The following OPHN1 variants were observed in gnomAD, a reference collection of about 807,000 sequenced individuals.
The protein encoded by OPHN1 is oligophrenin-1.
In OPHN1, 11 loss-of-function variants were observed where a neutral mutation model predicts 60.7. That is an observed-to-expected ratio of 0.18 (90% CI 0.11 to 0.30). The LOEUF (loss-of-function observed/expected upper bound fraction) is 0.30. OPHN1 is among the 10% of genes least tolerant of loss of function. The pLI, the probability that OPHN1 is intolerant of heterozygous loss-of-function variation, is 1.00. For synonymous variants in OPHN1, 226 were observed against 222.6 expected (o/e 1.02, Z -0.14); for missense variants, 449 against 611.0 (o/e 0.73, Z 2.80).
In OPHN1 at chrX:68,097,331, G is replaced by A. The variant is rs7888056; in HGVS notation, c.1527-302C>T. Among the ~76,000 whole-genome samples the A allele has an allele frequency of 6.2e-3, 690 of 111,282 alleles. 9 individuals carry two copies. Among genetic ancestry groups the A allele is most frequent in the African/African-American group, 0.022 (666 of 30,623 alleles). Reference sequence around the variant, plus strand: ...AGTGGGATACTATTTGGAGAGGCAGGAGGGAAGCAAGAGGACATTCAAAGC... The same window carrying A: ...AGTGGGATACTATTTGGAGAGGCAGAAGGGAAGCAAGAGGACATTCAAAGC... On this transcript the variant is annotated intron_variant, in intron 18 of 24. Coordinates refer to ENST00000355520, the MANE Select transcript of OPHN1 (RefSeq NM_002547.3).
chrX:68,406,184 C>T (rs2078742382), intron 2 of OPHN1, among the ~76,000 whole-genome samples: 1 of 109,588 alleles, frequency 9.1e-6, no homozygotes, highest in Non-Finnish European at 1.9e-5. Context: ...TAACTACATG[C>T]AACTCATAAT....
At chrX:68,219,825 G>A (rs1417585748) in intron 6 of OPHN1, among the ~76,000 whole-genome samples, 1 of 102,913 alleles carries the variant, frequency 9.7e-6, no homozygotes, top group African/African-American at 3.5e-5. Flanking sequence ...ACAAGAGAAA[G>A]CAGGAAAGAT....
chrX:68,145,273 T>C (rs7887862), intron 15 of OPHN1, among the ~76,000 whole-genome samples: 25,709 of 111,031 alleles, frequency 0.23, 3,313 homozygotes, highest in African/African-American at 0.46. Flanking sequence ...GCTTACATCT[T>C]GGTTATCATT....
At chrX:68,404,285 G>A (rs745340685) in intron 2 of OPHN1, among the ~76,000 whole-genome samples, 3 of 108,720 alleles carry the variant, frequency 2.8e-5, no homozygotes, top group East Asian at 2.9e-4. Flanking sequence ...TCAGCCTCCC[G>A]AGTAGATGGG....
Position 68,317,530 on chromosome X carries a change from AG to A in OPHN1, c.155-18435del, listed in dbSNP as rs2078211392. 2.1e-4 allele frequency among the ~76,000 whole-genome samples: 13 copies of A among 62,574 alleles called. 1 individual carries two copies. The highest frequency in any genetic ancestry group is 1.3e-3 in the African/African-American group (11 of 8,517). The allele number at this position is 62,574 out of a possible 115,157, so 54.3% of individuals were successfully genotyped here. ...GGGAAAGAGAGAGAGAAAGAAAGAA[AG>A]AAAGAAAAAAAGAAAGAAAGAAAGA... is the stretch of plus-strand genomic sequence containing the variant. On this transcript the variant is annotated intron_variant, in intron 2 of 24. Transcript: ENST00000355520.
chrX:68,372,219 AG>A lies in OPHN1; in HGVS notation c.154+60647del, dbSNP rs1425139102. Among the ~76,000 whole-genome samples, 3 of 112,245 alleles carry A rather than the reference AG, an allele frequency of 2.7e-5. No homozygotes were observed. In the South Asian group the frequency reaches 1.1e-3, roughly 41 times the overall value. On this transcript the variant is annotated intron_variant, in intron 2 of 24. Coordinates refer to ENST00000355520, the MANE Select transcript of OPHN1 (RefSeq NM_002547.3). Reference sequence around the variant, plus strand: ...GCTAATATCAGACAAAAGAGACCTTAGGTCAAAAATCGACACAGAAGGCAAA... The same window carrying A: ...GCTAATATCAGACAAAAGAGACCTTAGTCAAAAATCGACACAGAAGGCAAA...
chrX:68,318,944 T>G (rs2078222290), intron 2 of OPHN1, among the ~76,000 whole-genome samples: 1 of 111,780 alleles, frequency 8.9e-6, no homozygotes, highest in South Asian at 3.8e-4. Flanking sequence ...GAAATACCAC[T>G]GAGATAAAGT....
intron 2 of OPHN1, among the ~76,000 whole-genome samples, chrX:68,370,278 G>T (rs1323256572): frequency 9.1e-6 from 1 of 109,434 alleles, no homozygotes; most frequent in East Asian, 2.8e-4. Context: ...AGCCAAGGCA[G>T]GTGGATCATT....
intron 2 of OPHN1, among the ~76,000 whole-genome samples, chrX:68,345,717 G>C (rs930112163): frequency 8.9e-6 from 1 of 112,064 alleles, no homozygotes; most frequent in African/African-American, 3.2e-5. Flanking sequence ...TTATCCAGGT[G>C]TGGTGGCACA....
chrX:68,310,052 G>A (rs761399878), intron 2 of OPHN1, among the ~76,000 whole-genome samples: 1 of 112,321 alleles, frequency 8.9e-6, no homozygotes, highest in South Asian at 3.7e-4. Context: ...TGCTGAAAAC[G>A]TGGAGAGGCT....
At chrX:68,266,962 T>G (rs1401549651) in intron 5 of OPHN1, among the ~76,000 whole-genome samples, 1 of 111,512 alleles carries the variant, frequency 9.0e-6, no homozygotes, top group Non-Finnish European at 1.9e-5. Flanking sequence ...GGGATCAATT[T>G]AACAAGAAGA....
intron 6 of OPHN1, among the ~76,000 whole-genome samples, chrX:68,216,310 G>T (rs187389049): frequency 9.0e-6 from 1 of 111,086 alleles, no homozygotes; most frequent in Non-Finnish European, 1.9e-5. Context: ...GAAGTCAAAA[G>T]AAGACTGAAA....
rs191205669 is a variant in OPHN1, at chrX:68,341,820, C to T, written c.155-42724G>A. ...CCACTGCACTCCAGCCTGAGTGACA[C>T]GGCCAGACCCTATCTAAAAAAAAGA... is the stretch of plus-strand genomic sequence containing the variant. On this transcript the variant is annotated intron_variant, in intron 2 of 24. Transcript: ENST00000355520. 1.7e-3 allele frequency among the ~76,000 whole-genome samples: 189 copies of T among 109,906 alleles called. 1 individual carries two copies. The highest frequency in any genetic ancestry group is 5.8e-3 in the African/African-American group (177 of 30,372).
intron 3 of OPHN1, among the ~76,000 whole-genome samples, chrX:68,287,171 A>AAG (rs1245269978): frequency 2.0e-5 from 2 of 100,379 alleles, no homozygotes; most frequent in African/African-American, 7.4e-5. Context: ...GAAAGAAAGA[A>AAG]AGAAAGAAAG....
chrX:68,208,757 C>T (rs1000293867), intron 9 of OPHN1, among the ~76,000 whole-genome samples: 1 of 111,922 alleles, frequency 8.9e-6, no homozygotes, highest in Non-Finnish European at 1.9e-5. Flanking sequence ...TTTGGCCTCC[C>T]AGGGGACATG....
At chrX:68,074,396 C>T (rs764970013) in intron 19 of OPHN1, among the ~76,000 whole-genome samples, 4 of 111,616 alleles carry the variant, frequency 3.6e-5, no homozygotes, top group Non-Finnish European at 5.6e-5. Context: ...TGAGGCCATA[C>T]GGTTCTAGGT....
chrX:68,310,051 C>T (rs1400576834), intron 2 of OPHN1, among the ~76,000 whole-genome samples: 3 of 112,063 alleles, frequency 2.7e-5, no homozygotes, highest in Non-Finnish European at 5.6e-5. Context: ...CTGCTGAAAA[C>T]GTGGAGAGGC....
intron 2 of OPHN1, among the ~76,000 whole-genome samples, chrX:68,387,756 T>C (rs1440426934): frequency 8.9e-6 from 1 of 111,953 alleles, no homozygotes; most frequent in Admixed American, 9.6e-5. Flanking sequence ...GACATGTTCC[T>C]GCCCTGAAGG....
chrX:68,317,665 GGAA>G (rs1398904656), intron 2 of OPHN1, among the ~76,000 whole-genome samples: 1 of 87,412 alleles, frequency 1.1e-5, no homozygotes, highest in Non-Finnish European at 2.2e-5. Flanking sequence ...AAGAGAAGGA[GGAA>G]GGAGGAGGAG....
Sources: gnomAD v4.1 joint callset for allele counts (sites outside exome capture counted in the v4.1 genomes callset) on GRCh38, gnomAD v4.1.1 for gene constraint, MANE v1.5 for transcripts, NCBI Gene and HGNC (gene_info 2026-07-23, HGNC 2026-07-21) for gene names.